The following MACROD2 variants were observed in gnomAD, a reference collection of about 807,000 sequenced individuals.
MACROD2 encodes the protein mono-ADP ribosylhydrolase 2, also known as ADP-ribose glycohydrolase MACROD2.
Under a neutral mutation model 70.4 loss-of-function variants are expected in MACROD2, and 36 were observed. The ratio of observed to expected loss-of-function variants is 0.51; its 90% confidence interval spans 0.39 to 0.68. MACROD2 has a LOEUF of 0.68. Ranked by LOEUF, MACROD2 falls within the 30% of genes least tolerant of loss-of-function variation. MACROD2 has a pLI of 0.00. For missense variants in MACROD2, 496 were observed against 538.4 expected (o/e 0.92, Z 0.78); for synonymous variants, 172 against 178.8 (o/e 0.96, Z 0.30).
chr20:14,252,518 T>C (rs1287006045), intron 3 of MACROD2, among the ~76,000 whole-genome samples: 3 of 152,034 alleles, frequency 2.0e-5, no homozygotes, highest in African/African-American at 2.4e-5. Flanking sequence ...CTATGTATTA[T>C]TTATATATTT....
intron 8 of MACROD2, among the ~76,000 whole-genome samples, chr20:15,559,283 T>TGAA (rs1227691268): frequency 6.9e-6 from 1 of 145,602 alleles, no homozygotes. Flanking sequence ...CATGTGTGGA[T>TGAA]GAAGGTAAGA....
chr20:15,577,471 C>T (rs1022636060), intron 8 of MACROD2, among the ~76,000 whole-genome samples: 4 of 152,200 alleles, frequency 2.6e-5, no homozygotes, highest in Admixed American at 6.5e-5. Context: ...ACATTAATAA[C>T]TCCTGTTTAT....
At chr20:15,866,952 A>G (rs1207292880) in intron 9 of MACROD2, among the ~76,000 whole-genome samples, 1 of 152,168 alleles carries the variant, frequency 6.6e-6, no homozygotes, top group Non-Finnish European at 1.5e-5. Flanking sequence ...CAGGCCTCTA[A>G]AAACAAAGTA....
At chr20:15,016,763 C>T (rs1181021115) in intron 5 of MACROD2, among the ~76,000 whole-genome samples, 1 of 152,142 alleles carries the variant, frequency 6.6e-6, no homozygotes, top group Non-Finnish European at 1.5e-5. Flanking sequence ...AAACGCTTGT[C>T]TTACATGGTA....
At chr20:14,001,210 T>C (rs2052729387) in intron 1 of MACROD2, among the ~76,000 whole-genome samples, 1 of 152,212 alleles carries the variant, frequency 6.6e-6, no homozygotes, top group African/African-American at 2.4e-5. Flanking sequence ...TTTGCTGTGC[T>C]TCATTTCCCT....
intron 3 of MACROD2, among the ~76,000 whole-genome samples, chr20:14,475,402 T>G (rs745622030): frequency 6.6e-6 from 1 of 152,190 alleles, no homozygotes; most frequent in Admixed American, 6.5e-5. Flanking sequence ...ACACCATGAT[T>G]ACAGTATTAG....
chr20:14,174,765 C>T (rs1046833513), intron 3 of MACROD2, among the ~76,000 whole-genome samples: 27 of 152,182 alleles, frequency 1.8e-4, no homozygotes, highest in Non-Finnish European at 3.7e-4. Context: ...ATGGTCTTTT[C>T]CCAGTTCCTT....
chr20:15,539,060 C>T (rs1322689833), intron 8 of MACROD2, among the ~76,000 whole-genome samples: 1 of 151,998 alleles, frequency 6.6e-6, no homozygotes, highest in Non-Finnish European at 1.5e-5. Context: ...CATAATAGAA[C>T]ATTTTATTCT....
chr20:16,043,268 G>A (rs1311357797), intron 16 of MACROD2, among the ~76,000 whole-genome samples: 1 of 152,036 alleles, frequency 6.6e-6, no homozygotes, highest in Non-Finnish European at 1.5e-5. Flanking sequence ...GGCCTTCCCT[G>A]GTTGGTCCCA....
chr20:14,290,700 G>C (rs1344579406), intron 3 of MACROD2, among the ~76,000 whole-genome samples: 2 of 152,080 alleles, frequency 1.3e-5, no homozygotes, highest in African/African-American at 4.8e-5. Context: ...GTATACACAG[G>C]GTTTCTCCAT....
At chr20:14,192,761 T>C (rs184152191) in intron 3 of MACROD2, among the ~76,000 whole-genome samples, 2 of 152,256 alleles carry the variant, frequency 1.3e-5, no homozygotes, top group East Asian at 1.9e-4. Context: ...TTTCATAGCC[T>C]TCACAGGGGG....
At chr20:14,343,778 A>G (rs141490398) in intron 3 of MACROD2, among the ~76,000 whole-genome samples, 1 of 152,358 alleles carries the variant, frequency 6.6e-6, no homozygotes, top group African/African-American at 2.4e-5. Flanking sequence ...CTAACAGTTA[A>G]TAGGAGCAGA....
chr20:14,645,795 C>T (rs1985356676), intron 4 of MACROD2, among the ~76,000 whole-genome samples: 2 of 151,944 alleles, frequency 1.3e-5, no homozygotes, highest in Middle Eastern at 3.4e-3. Context: ...ATGCAAGAGA[C>T]AGTAATAACA....
intron 5 of MACROD2, among the ~76,000 whole-genome samples, chr20:14,921,238 A>G (rs191603413): frequency 2.6e-5 from 4 of 152,282 alleles, no homozygotes; most frequent in Admixed American, 2.0e-4. Context: ...TCTGTATTAC[A>G]TATTCCAATC....
chr20:15,067,271 C>T (rs2075584286), intron 5 of MACROD2, among the ~76,000 whole-genome samples: 1 of 152,102 alleles, frequency 6.6e-6, no homozygotes, highest in South Asian at 2.1e-4. Flanking sequence ...ATGGCTTACC[C>T]TAATGCTTAT....
chr20:14,793,732 G>A (rs1012586938), intron 5 of MACROD2, among the ~76,000 whole-genome samples: 3 of 151,954 alleles, frequency 2.0e-5, no homozygotes, highest in Admixed American at 6.6e-5. Flanking sequence ...CACCCAGCTG[G>A]GGCTGATAAC....
chr20:14,212,220 G>T (rs1033860), intron 3 of MACROD2, among the ~76,000 whole-genome samples: 151,266 of 152,230 alleles, frequency 0.99, 75,160 homozygotes, highest in East Asian at 1. Context: ...CACAGAGCAT[G>T]TAAATGGCCT....
At chr20:14,396,733 G>T (rs1045677032) in intron 3 of MACROD2, among the ~76,000 whole-genome samples, 4 of 151,748 alleles carry the variant, frequency 2.6e-5, no homozygotes, top group Admixed American at 2.6e-4. Context: ...AGACCATCCT[G>T]CCTAACGCGG....
chr20:16,047,971 G>T (rs116769815), intron 17 of MACROD2, among the ~76,000 whole-genome samples: 1 of 152,150 alleles, frequency 6.6e-6, no homozygotes, highest in Non-Finnish European at 1.5e-5. Flanking sequence ...AGAGAAAAAG[G>T]CTCCCAAGAT....
Sources: allele counts gnomAD v4.1 joint callset (sites outside exome capture counted in the v4.1 genomes callset), GRCh38; gene constraint gnomAD v4.1.1; transcripts MANE v1.5; gene names NCBI Gene and HGNC (gene_info 2026-07-23, HGNC 2026-07-21).